Variants in ANKRD49 observed in about 807,000 individuals in gnomAD.
ANKRD49 encodes ankyrin repeat domain 49, also known as ankyrin repeat domain-containing protein 49.
Under a neutral mutation model 19.6 loss-of-function variants are expected in ANKRD49, and 18 were observed. That is an observed-to-expected ratio of 0.92 (90% CI 0.63 to 1.36). The LOEUF (loss-of-function observed/expected upper bound fraction) is 1.36, where lower values mean the gene tolerates loss of function less well. ANKRD49 is among the 40% of genes most tolerant of loss of function. The pLI is 0.00. For synonymous variants in ANKRD49, 88 were observed against 101.8 expected (o/e 0.86, Z 0.82); for missense variants, 218 against 281.6 (o/e 0.77, Z 1.62).
In ANKRD49 at chr11:94,498,672, C is replaced by T; in HGVS notation, c.*140C>T. 1.4e-6 allele frequency: 1 copy of T among 716,688 alleles called. No homozygotes were observed. The highest frequency in any genetic ancestry group is 2.0e-5 in the South Asian group (1 of 51,276). 44.4% of individuals were successfully genotyped at this position (716,688 alleles called of 1,614,324 possible). A position where few individuals can be genotyped will look rare whatever the true frequency, so the allele number is the denominator to read the frequency against. On this transcript the variant is annotated 3_prime_UTR_variant, in exon 3 of 3. Transcript: ENST00000544612. ...TTATAACATTCTTCCAAGTGAATTG[C>T]CTGACTTTGATGTCAAAATGTATTT...
In ANKRD49 at chr11:94,494,007, T is replaced by G. The variant is rs1358242719; in HGVS notation, c.-119T>G. 6.6e-6 allele frequency: 1 copy of G among 152,364 alleles called. No individual in the cohort carries two copies. Among genetic ancestry groups the G allele is most frequent in the African/African-American group, 2.4e-5 (1 of 41,474 alleles). The allele number at this position is 152,364 out of a possible 1,614,324, so 9.4% of individuals were successfully genotyped here. ...CTAGGAGACGAACCCGGAAGTGAGA[T>G]GCAAGGCGGCGATTTTCCCTTCTGT... On this transcript the variant is annotated 5_prime_UTR_variant, in exon 1 of 3. An upstream start codon of the reference 5' UTR is lost. Coordinates refer to ENST00000544612, the MANE Select transcript of ANKRD49 (RefSeq NM_017704.3).
chr11:94,496,548 AG>A (rs1423583670), intron 1 of ANKRD49, 55 bp from the exon 2 acceptor site: 2 of 713,718 alleles, frequency 2.8e-6, no homozygotes, highest in Non-Finnish European at 4.5e-6. Flanking sequence ...TTATCTATGC[AG>A]TTGATAAAGC....
At chr11:94,495,997 A>G (rs955389037) in intron 1 of ANKRD49, among the ~76,000 whole-genome samples, 1 of 152,212 alleles carries the variant, frequency 6.6e-6, no homozygotes, top group African/African-American at 2.4e-5. Flanking sequence ...CAAGGACCCA[A>G]CTAAGAACTA....
chr11:94,496,304 C>T (rs1200242771), intron 1 of ANKRD49, among the ~76,000 whole-genome samples: 1 of 152,098 alleles, frequency 6.6e-6, no homozygotes, highest in Non-Finnish European at 1.5e-5. Context: ...ACTTCAAAAC[C>T]TTTAAGCATT....
At position 94,496,657 on chromosome 11, in the gene ANKRD49, C is replaced by A. The variant is rs1240742438; in HGVS notation, c.-37C>A. The A allele has an allele frequency of 6.0e-6, 9 of 1,502,062 alleles. No individual in the cohort carries two copies. Among genetic ancestry groups the A allele is most frequent in the Non-Finnish European group, 7.1e-6 (8 of 1,123,198 alleles). 93.0% of individuals were successfully genotyped at this position (1,502,062 alleles called of 1,614,324 possible). ...ATCTCTAGAAAGATTTATATCCTGG[C>A]ATTTGAAATGCTTTTTATTTAGAAT... On this transcript the variant is annotated 5_prime_UTR_variant, in exon 2 of 3. Coordinates refer to ENST00000544612, the MANE Select transcript of ANKRD49 (RefSeq NM_017704.3).
chr11:94,497,147 T>C (rs2135161656), intron 2 of ANKRD49, 196 bp downstream of exon 2: 1 of 661,270 alleles, frequency 1.5e-6, no homozygotes, highest in Admixed American at 2.8e-5. Context: ...AGGATAATTA[T>C]CTATAAAGAT....
At position 94,498,773 on chromosome 11, in the gene ANKRD49, G is replaced by C; in HGVS notation, c.*241G>C. The stretch of plus-strand genomic sequence containing the variant: ...TTTATCAGAAATAATTTTAATGTGT[G>C]TATACTTAAAAACTTGACACGGGTT... On this transcript the variant is annotated 3_prime_UTR_variant, in exon 3 of 3. Coordinates refer to ENST00000544612, the MANE Select transcript of ANKRD49 (RefSeq NM_017704.3). The C allele has an allele frequency of 2.0e-6, 1 of 498,610 alleles. No homozygotes were observed. The highest frequency in any genetic ancestry group is 2.6e-5 in the South Asian group (1 of 38,150). The allele number at this position is 498,610 out of a possible 1,614,324, so 30.9% of individuals were successfully genotyped here.
chr11:94,495,880 A>C (rs1243315872), intron 1 of ANKRD49, among the ~76,000 whole-genome samples: 1 of 152,170 alleles, frequency 6.6e-6, no homozygotes, highest in Non-Finnish European at 1.5e-5. Flanking sequence ...GAAGACATGG[A>C]TCTTGCTCAT....
At chr11:94,497,151 T>C (rs768185232) in intron 2 of ANKRD49, 200 bp downstream of exon 2, 74 of 649,398 alleles carry the variant, frequency 1.1e-4, no homozygotes, top group Non-Finnish European at 1.9e-4. Flanking sequence ...TAATTATCTA[T>C]AAAGATAGCA....
chr11:94,497,000 G>T (rs1421070223), intron 2 of ANKRD49, 49 bp downstream of exon 2: 2 of 1,607,718 alleles, frequency 1.2e-6, no homozygotes, highest in Non-Finnish European at 1.7e-6. Flanking sequence ...AAAAGCACTG[G>T]GTTCAAGCCA....
chr11:94,498,260 A>G lies in ANKRD49; in HGVS notation c.448A>G (p.Lys150Glu). Residue 150 changes from lysine (K) to glutamate (E), a missense_variant, in exon 3 of 3, where the codon AAG becomes GAG. Coordinates refer to ENST00000544612, the MANE Select transcript of ANKRD49 (RefSeq NM_017704.3). ...CTGGACGCCCCTGCACAGTGCTTGTAAGTGGAATAATACCAGAGTGGCTTC... is the reference window on the plus strand; with the variant it reads ...CTGGACGCCCCTGCACAGTGCTTGTGAGTGGAATAATACCAGAGTGGCTTC... ...DGWTPLHSAC[K>E]WNNTRVASFL... is the part of the protein sequence containing the mutation. The G allele has an allele frequency of 6.2e-7, 1 of 1,614,034 alleles. No individual in the cohort carries two copies. Among genetic ancestry groups the G allele is most frequent in the East Asian group, 2.2e-5 (1 of 44,892 alleles).
Position 94,496,631 on chromosome 11 carries a change from C to T in ANKRD49, c.-63C>T. ...CTTGATGAACAAAGCAGTCATAATTCATCTCTAGAAAGATTTATATCCTGG... is the reference window on the plus strand; with the variant it reads ...CTTGATGAACAAAGCAGTCATAATTTATCTCTAGAAAGATTTATATCCTGG... On this transcript the variant is annotated 5_prime_UTR_variant, in exon 2 of 3. Transcript: ENST00000544612. 7.2e-7 allele frequency: 1 copy of T among 1,390,246 alleles called. No homozygotes were observed. The highest frequency in any genetic ancestry group is 1.5e-5 in the South Asian group (1 of 68,882). The allele number at this position is 1,390,246 out of a possible 1,614,324, so 86.1% of individuals were successfully genotyped here.
At chr11:94,497,832 A>T in intron 2 of ANKRD49, 1 of 436,732 alleles carries the variant, frequency 2.3e-6, no homozygotes, top group Non-Finnish European at 4.1e-6. Context: ...GTATGGTTTG[A>T]TATTCAGAGA....
At chr11:94,497,980 A>G in intron 2 of ANKRD49, 91 bp from the exon 3 acceptor site, 1 of 975,514 alleles carries the variant, frequency 1.0e-6, no homozygotes, top group African/African-American at 1.6e-5. Flanking sequence ...TTTTTATTCA[A>G]CTTAATTAAA....
intron 2 of ANKRD49, 86 bp from the exon 3 acceptor site, chr11:94,497,981 CTTAA>C: frequency 1.0e-6 from 1 of 984,568 alleles, no homozygotes; most frequent in Non-Finnish European, 1.5e-6. Context: ...TTTTATTCAA[CTTAA>C]TTAAATCTAA....
chr11:94,497,510 G>T (rs1012723142), intron 2 of ANKRD49: 2 of 157,706 alleles, frequency 1.3e-5, no homozygotes, highest in Non-Finnish European at 2.8e-5. Context: ...TAACCCAAGA[G>T]CATGCCACAT....
At chr11:94,494,613 A>T (rs987180865) in intron 1 of ANKRD49, among the ~76,000 whole-genome samples, 2 of 152,172 alleles carry the variant, frequency 1.3e-5, no homozygotes, top group African/African-American at 4.8e-5. Context: ...TTCCTGATGG[A>T]ATATCAGGAA....
At position 94,494,827 on chromosome 11, in the gene ANKRD49, T is replaced by C. The variant is rs13447575; in HGVS notation, c.-91+792T>C. 8.7e-3 allele frequency among the ~76,000 whole-genome samples: 1,325 copies of C among 152,270 alleles called. 21 individuals carry two copies. The highest frequency in any genetic ancestry group is 0.031 in the African/African-American group (1,270 of 41,532). On this transcript the variant is annotated intron_variant, in intron 1 of 2. Coordinates refer to ENST00000544612, the MANE Select transcript of ANKRD49 (RefSeq NM_017704.3). ...AGAGGGTAAGATCTGTGGTATAAGGTTACTATATTTGATATAATTACAAGT... is the reference window on the plus strand; with the variant it reads ...AGAGGGTAAGATCTGTGGTATAAGGCTACTATATTTGATATAATTACAAGT...
At chr11:94,498,015 T>G in intron 2 of ANKRD49, 56 bp from the exon 3 acceptor site, 2 of 1,338,508 alleles carry the variant, frequency 1.5e-6, no homozygotes, top group Non-Finnish European at 2.0e-6. Flanking sequence ...ACAATTTTGT[T>G]TTAGTTATTG....
Sources: gnomAD v4.1 joint callset for allele counts (sites outside exome capture counted in the v4.1 genomes callset) on GRCh38, gnomAD v4.1.1 for gene constraint, MANE v1.5 for transcripts, NCBI Gene and HGNC (gene_info 2026-07-23, HGNC 2026-07-21) for gene names.